The following SHLD2 variants were observed in gnomAD, a reference collection of about 807,000 sequenced individuals.
SHLD2 encodes the protein RINN1-REV7-interacting novel NHEJ regulator 2.
A neutral mutation model predicts 73.2 loss-of-function variants in SHLD2; 30 were observed. The ratio of observed to expected loss-of-function variants is 0.41; its 90% CI spans 0.31 to 0.56. SHLD2 has a LOEUF of 0.56. SHLD2 is among the 20% of genes least tolerant of loss of function. The pLI, the probability that SHLD2 is intolerant of heterozygous loss-of-function variation, is 0.28. For synonymous variants in SHLD2, 285 were observed against 370.1 expected, an observed-to-expected ratio of 0.77 and a Z score of 2.64; for missense variants, 745 against 1,055.9, an observed-to-expected ratio of 0.71 and a Z score of 4.08.
rs1589577129 is a variant in SHLD2, at chr10:87,152,100, G to A, written c.746G>A (p.Ser249Asn). ...DTEFLSIITS[S>N]QVAFLAQKKD... ...GAATTTCTCAGTATAATTACCTCCA[G>A]CCAGGTTGCTTTTTTAGCTCAAAAG... Residue 249 changes from serine to asparagine, a missense_variant, in exon 3 of 10, where the codon AGC becomes AAC. This residue lies in a region of SHLD2 where 280 missense variants were observed against 353.9 expected (regional missense o/e 0.79). Transcript: ENST00000298786. The A allele has an allele frequency of 3.7e-6, 6 of 1,611,886 alleles. No homozygotes were observed. Among genetic ancestry groups the A allele is most frequent in the Non-Finnish European group, 4.2e-6 (5 of 1,179,830 alleles).
At chr10:87,099,985 G>GTT (rs548671278) in intron 2 of SHLD2, among the ~76,000 whole-genome samples, 1 of 151,076 alleles carries the variant, frequency 6.6e-6, no homozygotes, top group Non-Finnish European at 1.5e-5. Context: ...ATTTGTAAGA[G>GTT]TTTTTTTTTA....
chr10:87,183,870 C>A (rs1283642241), intron 8 of SHLD2, among the ~76,000 whole-genome samples: 1 of 152,238 alleles, frequency 6.6e-6, no homozygotes, highest in Non-Finnish European at 1.5e-5. Context: ...TCTACCCCCT[C>A]TTTAAATGCT....
intron 2 of SHLD2, among the ~76,000 whole-genome samples, chr10:87,146,585 C>T (rs1256511665): frequency 4.7e-5 from 7 of 149,786 alleles, no homozygotes; most frequent in African/African-American, 1.2e-4. Flanking sequence ...TGAGCCACCG[C>T]GCCCAGCCTG....
At chr10:87,149,008 C>G in intron 2 of SHLD2, among the ~76,000 whole-genome samples, 1 of 151,690 alleles carries the variant, frequency 6.6e-6, no homozygotes, top group Non-Finnish European at 1.5e-5. Flanking sequence ...CTGCCTCAGC[C>G]TCCCTAGTAG....
At chr10:87,186,212 TA>T (rs1848609949) in intron 8 of SHLD2, among the ~76,000 whole-genome samples, 1 of 152,016 alleles carries the variant, frequency 6.6e-6, no homozygotes, top group Non-Finnish European at 1.5e-5. Flanking sequence ...ATCGTGTGAA[TA>T]AAGGGGGAAG....
intron 3 of SHLD2, among the ~76,000 whole-genome samples, chr10:87,155,735 T>C (rs1221632694): frequency 6.6e-6 from 1 of 152,142 alleles, no homozygotes; most frequent in African/African-American, 2.4e-5. Flanking sequence ...AATCTCTGTA[T>C]TTTTTCCTAA....
At chr10:87,168,450 TTAGC>T (rs1222341898) in intron 4 of SHLD2, among the ~76,000 whole-genome samples, 5 of 151,430 alleles carry the variant, frequency 3.3e-5, no homozygotes, top group African/African-American at 1.2e-4. Flanking sequence ...TACAAAAAAA[TTAGC>T]TAGGTGTGGT....
intron 2 of SHLD2, among the ~76,000 whole-genome samples, chr10:87,149,475 C>A (rs924476019): frequency 5.9e-5 from 9 of 151,976 alleles, no homozygotes; most frequent in African/African-American, 2.2e-4. Context: ...GTAATCCCAA[C>A]ACTTTGGGAG....
At chr10:87,119,831 A>G (rs189304523) in intron 2 of SHLD2, among the ~76,000 whole-genome samples, 1 of 151,640 alleles carries the variant, frequency 6.6e-6, no homozygotes, top group South Asian at 2.1e-4. Context: ...TATTTTCACA[A>G]TTACTACTGG....
chr10:87,112,431 AAGTC>A (rs1394935047), intron 2 of SHLD2, among the ~76,000 whole-genome samples: 3 of 152,060 alleles, frequency 2.0e-5, no homozygotes, highest in African/African-American at 7.2e-5. Context: ...TTGAGAGACT[AAGTC>A]AGGAAGATCA....
intron 2 of SHLD2, among the ~76,000 whole-genome samples, chr10:87,109,210 C>T (rs1842779261): frequency 6.6e-6 from 1 of 152,162 alleles, no homozygotes; most frequent in Non-Finnish European, 1.5e-5. Flanking sequence ...AGTCCCTGGA[C>T]CATAACTTGG....
At chr10:87,127,306 G>T (rs1014032056) in intron 2 of SHLD2, among the ~76,000 whole-genome samples, 1 of 152,190 alleles carries the variant, frequency 6.6e-6, no homozygotes, top group African/African-American at 2.4e-5. Flanking sequence ...TTAATGTATA[G>T]CTGGTAGAAA....
At chr10:87,157,607 G>C (rs1481205066) in intron 3 of SHLD2, among the ~76,000 whole-genome samples, 1 of 152,156 alleles carries the variant, frequency 6.6e-6, no homozygotes, top group Admixed American at 6.5e-5. Context: ...AATCAAGTGT[G>C]TTAAGAATGC....
At chr10:87,095,546 G>A (rs1316012937) in intron 1 of SHLD2, among the ~76,000 whole-genome samples, 1 of 152,226 alleles carries the variant, frequency 6.6e-6, no homozygotes, top group African/African-American at 2.4e-5. Context: ...CGCCGCGTAA[G>A]GCCGGGCTGA....
chr10:87,174,162 T>TA (rs1283296328), intron 6 of SHLD2, among the ~76,000 whole-genome samples: 2 of 151,358 alleles, frequency 1.3e-5, no homozygotes, highest in East Asian at 1.9e-4. Context: ...TTGTGAAAAA[T>TA]AAAAAACAAC....
At position 87,127,529 on chromosome 10, in the gene SHLD2, G is replaced by GC. The variant is rs1225003390; in HGVS notation, c.-5-23812dup. On this transcript the variant is annotated intron_variant, in intron 2 of 9. Coordinates refer to ENST00000298786, the MANE Select transcript of SHLD2 (RefSeq NM_001330112.2). ...AGAATGTTTTTTGTCCCTCTTACCC[G>GC]CCCCCCCCCACCCCGTCTGCCACCC... Among the ~76,000 whole-genome samples, 225 of 24,342 alleles carry GC rather than the reference G, an allele frequency of 9.2e-3. 8 individuals are homozygous for GC. Among genetic ancestry groups the GC allele is most frequent in the South Asian group, 0.014 (12 of 866 alleles). The allele number at this position is 24,342 out of a possible 152,430, so 16.0% of individuals were successfully genotyped here. A position where few individuals can be genotyped will look rare whatever the true frequency, so the allele number is the denominator to read the frequency against.
chr10:87,178,102 G>T (rs1433300827), intron 7 of SHLD2, among the ~76,000 whole-genome samples: 4 of 151,706 alleles, frequency 2.6e-5, no homozygotes, highest in African/African-American at 9.7e-5. Flanking sequence ...CAGGCATGAT[G>T]TCGGGTGCCT....
chr10:87,153,359 T>C (rs1846150971), intron 3 of SHLD2, among the ~76,000 whole-genome samples: 1 of 152,208 alleles, frequency 6.6e-6, no homozygotes, highest in Non-Finnish European at 1.5e-5. Flanking sequence ...TGAGCTTTGA[T>C]TGGGCCACTG....
chr10:87,163,309 C>A (rs1846954770), intron 4 of SHLD2, among the ~76,000 whole-genome samples: 1 of 151,736 alleles, frequency 6.6e-6, no homozygotes, highest in Non-Finnish European at 1.5e-5. Context: ...GAAGGATAAA[C>A]CAGAAACTAA....
Sources: gnomAD v4.1 joint callset for allele counts (sites outside exome capture counted in the v4.1 genomes callset) on GRCh38, gnomAD v4.1.1 for gene constraint, gnomAD v4.1.1 regional missense constraint, MANE v1.5 for transcripts, NCBI Gene and HGNC (gene_info 2026-07-23, HGNC 2026-07-21) for gene names.